CATSPER3: variants seen among roughly 807,000 people sequenced by gnomAD.
CATSPER3 encodes the protein cation channel sperm associated 3, also known as cation channel sperm-associated protein 3.
Under a neutral mutation model 36.6 loss-of-function variants are expected in CATSPER3, and 23 were observed. That is an observed-to-expected ratio of 0.63 (90% CI 0.45 to 0.89). The LOEUF is 0.89. CATSPER3 is among the 40% of genes least tolerant of loss of function. The probability of loss-of-function intolerance (pLI) is 0.00; values close to 1 mark genes in which losing one functional copy is unlikely to be tolerated. For synonymous variants in CATSPER3, 172 were observed against 184.1 expected, an observed-to-expected ratio of 0.93 and a Z score of 0.53; for missense variants, 474 against 503.9, an observed-to-expected ratio of 0.94 and a Z score of 0.57.
chr5:134,989,715 A>G (rs1751855892), intron 2 of CATSPER3, among the ~76,000 whole-genome samples: 2 of 152,210 alleles, frequency 1.3e-5, no homozygotes, highest in African/African-American at 4.8e-5. Flanking sequence ...CTTTCTCCAT[A>G]TGAGCAATAG....
chr5:135,011,576 T>G lies in CATSPER3; in HGVS notation c.1150T>G (p.Leu384Val), dbSNP rs765814903. Residue 384 changes from leucine (L) to valine (V), a missense_variant, in exon 8 of 8, where the codon TTG becomes GTG. Transcript: ENST00000282611. ...VHVLSLMLEDLPQEKPQSLEK... is the reference protein window; with the variant it reads ...VHVLSLMLEDVPQEKPQSLEK... ...TGTGCTGAGCCTAATGCTGGAAGAC[T>G]TGCCCCAGGAGAAGCCCCAGTCCTT... The G allele has an allele frequency of 1.2e-6, 2 of 1,614,118 alleles. No homozygotes were observed. The highest frequency in any genetic ancestry group is 3.3e-5 in the Admixed American group (2 of 60,030).
chr5:135,005,002 A>G (rs560323277), intron 3 of CATSPER3, among the ~76,000 whole-genome samples: 14 of 152,242 alleles, frequency 9.2e-5, no homozygotes, highest in Admixed American at 2.6e-4. Flanking sequence ...AGTGGGAATC[A>G]TGCGAGGAAC....
intron 3 of CATSPER3, among the ~76,000 whole-genome samples, chr5:135,003,808 C>T (rs751905865): frequency 4.6e-5 from 7 of 152,296 alleles, no homozygotes; most frequent in Non-Finnish European, 1.0e-4. Flanking sequence ...TGGAAAAGTG[C>T]AGTATTAGGT....
intron 1 of CATSPER3, 196 bp from the exon 2 acceptor site, chr5:134,969,743 A>G (rs2149544350): frequency 3.2e-6 from 2 of 622,900 alleles, no homozygotes; most frequent in Non-Finnish European, 2.8e-6. Context: ...TAACTGAGTG[A>G]GGACAGAGTA....
chr5:135,003,967 C>T (rs919239297), intron 3 of CATSPER3, among the ~76,000 whole-genome samples: 7 of 152,220 alleles, frequency 4.6e-5, no homozygotes, highest in East Asian at 1.9e-4. Flanking sequence ...GTCCTGCACC[C>T]GCTGTCCGAC....
At chr5:134,983,271 T>A (rs769000767) in intron 2 of CATSPER3, among the ~76,000 whole-genome samples, 5 of 152,242 alleles carry the variant, frequency 3.3e-5, no homozygotes, top group Non-Finnish European at 7.3e-5. Context: ...AACAGATTTT[T>A]AAAATCCCAT....
Position 134,967,924 on chromosome 5 carries a change from G to A in CATSPER3, c.-68G>A, listed in dbSNP as rs1385416429. On this transcript the variant is annotated 5_prime_UTR_variant, in exon 1 of 8. Coordinates refer to ENST00000282611, the MANE Select transcript of CATSPER3 (RefSeq NM_178019.3). ...TGCCTCTCAGAATCCAGACGCTAAG[G>A]AAAATCCCTAAGCAGAGATTTTCTG... The A allele has an allele frequency of 3.2e-6, 4 of 1,239,180 alleles. No homozygotes were observed. Among genetic ancestry groups the A allele is most frequent in the Non-Finnish European group, 4.7e-6 (4 of 842,322 alleles). The allele number at this position is 1,239,180 out of a possible 1,614,324, so 76.8% of individuals were successfully genotyped here.
chr5:135,011,679 T>A lies in CATSPER3; in HGVS notation c.*56T>A. ...CTTGCAGACCATGACAGGTCCCTATTAAACACAGGCTTTCTGAGTTGTCCT... is the reference window on the plus strand; with the variant it reads ...CTTGCAGACCATGACAGGTCCCTATAAAACACAGGCTTTCTGAGTTGTCCT... On this transcript the variant is annotated 3_prime_UTR_variant, in exon 8 of 8. Coordinates refer to ENST00000282611, the MANE Select transcript of CATSPER3 (RefSeq NM_178019.3). The A allele has an allele frequency of 1.7e-6, 2 of 1,186,258 alleles. No homozygotes were observed. The highest frequency in any genetic ancestry group is 2.5e-6 in the Non-Finnish European group (2 of 800,664). The allele number at this position is 1,186,258 out of a possible 1,614,324, so 73.5% of individuals were successfully genotyped here. A position where few individuals can be genotyped will look rare whatever the true frequency, so the allele number is the denominator to read the frequency against.
At chr5:134,968,283 G>C in intron 1 of CATSPER3, 194 bp downstream of exon 1, 1 of 591,454 alleles carries the variant, frequency 1.7e-6, no homozygotes, top group Non-Finnish European at 3.0e-6. Flanking sequence ...CTGTAGACTT[G>C]AATGACCAGT....
chr5:134,969,470 G>A (rs1751574113), intron 1 of CATSPER3: 1 of 171,714 alleles, frequency 5.8e-6, no homozygotes, highest in Non-Finnish European at 1.3e-5. Context: ...AATAGATTGT[G>A]TGCCCATTTT....
At chr5:135,002,474 G>A (rs1752033545) in intron 3 of CATSPER3, among the ~76,000 whole-genome samples, 1 of 152,118 alleles carries the variant, frequency 6.6e-6, no homozygotes, top group Admixed American at 6.5e-5. Context: ...TATCTTTGTG[G>A]TGTTCTCTGT....
In CATSPER3 at chr5:134,970,298, A is replaced by T. The variant is rs145342456; in HGVS notation, c.252+206A>T. ...TGCCTTAGCCTCCTGAATAGCTGGG[A>T]TTATAGGCACCCGCCACCACGCCCA... On this transcript the variant is annotated intron_variant, in intron 2 of 7. Transcript: ENST00000282611. 7.3e-3 allele frequency among the ~76,000 whole-genome samples: 1,116 copies of T among 151,856 alleles called. 9 individuals are homozygous for T. Among genetic ancestry groups the T allele is most frequent in the African/African-American group, 0.026 (1,071 of 41,394 alleles).
At chr5:135,010,013 T>C (rs1161845009) in intron 6 of CATSPER3, among the ~76,000 whole-genome samples, 1 of 152,194 alleles carries the variant, frequency 6.6e-6, no homozygotes, top group Non-Finnish European at 1.5e-5. Flanking sequence ...AAGCCTCCCA[T>C]GCTGAGCTTT....
intron 3 of CATSPER3, among the ~76,000 whole-genome samples, chr5:134,999,476 T>C (rs529884784): frequency 0.053 from 8,105 of 152,136 alleles, 675 homozygotes; most frequent in African/African-American, 0.18. Context: ...GGGGATGGCA[T>C]TGAATCTATA....
intron 3 of CATSPER3, 31 bp downstream of exon 3, chr5:134,996,543 G>C: frequency 6.2e-7 from 1 of 1,611,610 alleles, no homozygotes; most frequent in African/African-American, 1.3e-5. Flanking sequence ...ATGGTGCTGG[G>C]AGGGCAGGCC....
intron 3 of CATSPER3, among the ~76,000 whole-genome samples, chr5:135,005,403 C>G (rs535260672): frequency 1.8e-4 from 27 of 152,312 alleles, no homozygotes; most frequent in African/African-American, 6.3e-4. Flanking sequence ...TAGAGTGATT[C>G]CCTGGGGATC....
chr5:135,002,359 T>A (rs1294288943), intron 3 of CATSPER3, among the ~76,000 whole-genome samples: 1 of 152,236 alleles, frequency 6.6e-6, no homozygotes, highest in African/African-American at 2.4e-5. Context: ...CTTCCCTTTG[T>A]GGGTAACCCG....
intron 2 of CATSPER3, among the ~76,000 whole-genome samples, chr5:134,980,814 A>G (rs1751740992): frequency 6.6e-6 from 1 of 151,842 alleles, no homozygotes; most frequent in Non-Finnish European, 1.5e-5. Context: ...TCAGCCTTAA[A>G]CCCTTGGACT....
chr5:135,003,983 C>G (rs1422506478), intron 3 of CATSPER3, among the ~76,000 whole-genome samples: 2 of 152,204 alleles, frequency 1.3e-5, no homozygotes, highest in Non-Finnish European at 2.9e-5. Flanking sequence ...CCGACAAGCC[C>G]CAGTGAGATG....
Sources: allele counts gnomAD v4.1 joint callset (sites outside exome capture counted in the v4.1 genomes callset), GRCh38; gene constraint gnomAD v4.1.1; transcripts MANE v1.5; gene names NCBI Gene and HGNC (gene_info 2026-07-23, HGNC 2026-07-21).